Variants in CNKSR2 observed in about 807,000 individuals in gnomAD.
CNKSR2 encodes connector enhancer of kinase suppressor of Ras 2.
CNKSR2 carries 14 observed loss-of-function variants against 84.4 expected under a neutral mutation model. The ratio of observed to expected loss-of-function variants is 0.17; its 90% confidence interval spans 0.11 to 0.26. The LOEUF (loss-of-function observed/expected upper bound fraction) is 0.26, where lower values mean the gene tolerates loss of function less well. CNKSR2 is among the 10% of genes least tolerant of loss of function. CNKSR2 has a pLI of 1.00. For missense variants in CNKSR2, 485 were observed against 771.2 expected (o/e 0.63, Z 4.40); for synonymous variants, 275 against 277.9 (o/e 0.99, Z 0.10).
intron 1 of CNKSR2, among the ~76,000 whole-genome samples, chrX:21,385,912 A>G (rs568528160): frequency 1.9e-5 from 2 of 106,397 alleles, no homozygotes; most frequent in African/African-American, 6.9e-5. Context: ...TAGGGCTTTC[A>G]TTAGTGACAA....
chrX:21,644,922 G>C (rs1470764446), intron 20 of CNKSR2: 1 of 112,160 alleles, frequency 8.9e-6, no homozygotes, highest in African/African-American at 3.2e-5. Flanking sequence ...CACTGAGCCT[G>C]AATGTAAGAA....
intron 1 of CNKSR2, among the ~76,000 whole-genome samples, chrX:21,385,528 C>T (rs1453895022): frequency 1.8e-5 from 2 of 111,939 alleles, no homozygotes; most frequent in East Asian, 5.6e-4. Context: ...TAATGCCTGT[C>T]TTAGCCCTGA....
intron 13 of CNKSR2, among the ~76,000 whole-genome samples, chrX:21,578,581 C>T (rs1271476574): frequency 3.9e-5 from 4 of 101,351 alleles, no homozygotes; most frequent in East Asian, 3.1e-4. Flanking sequence ...TTAAATCACA[C>T]GTTGTATATA....
intron 8 of CNKSR2, among the ~76,000 whole-genome samples, chrX:21,507,382 T>C (rs2091623740): frequency 9.0e-6 from 1 of 111,284 alleles, no homozygotes; most frequent in Non-Finnish European, 1.9e-5. Flanking sequence ...AAATGGTATA[T>C]AGAATTCACT....
At chrX:21,641,230 C>T (rs2092690505) in intron 20 of CNKSR2, among the ~76,000 whole-genome samples, 1 of 111,929 alleles carries the variant, frequency 8.9e-6, no homozygotes, top group Non-Finnish European at 1.9e-5. Flanking sequence ...TATAGATGTA[C>T]ATATACAAGT....
intron 11 of CNKSR2, among the ~76,000 whole-genome samples, chrX:21,533,245 C>A (rs754348680): frequency 4.0e-4 from 44 of 110,366 alleles, no homozygotes; most frequent in Non-Finnish European, 7.1e-4. Context: ...TACTTTTCTC[C>A]TCTACTATAT....
intron 20 of CNKSR2, among the ~76,000 whole-genome samples, chrX:21,632,572 C>A (rs1157538398): frequency 8.9e-6 from 1 of 111,786 alleles, no homozygotes; most frequent in Non-Finnish European, 1.9e-5. Context: ...ATGGTGTGTA[C>A]TCTGCATAGT....
At chrX:21,579,216 T>C (rs2092339431) in intron 13 of CNKSR2, among the ~76,000 whole-genome samples, 1 of 111,960 alleles carries the variant, frequency 8.9e-6, no homozygotes, top group Non-Finnish European at 1.9e-5. Context: ...AACCCTAAAC[T>C]AGAACCATAT....
chrX:21,571,688 C>T (rs1406939045), intron 13 of CNKSR2, among the ~76,000 whole-genome samples: 2 of 112,125 alleles, frequency 1.8e-5, no homozygotes, highest in Non-Finnish European at 3.8e-5. Flanking sequence ...AAAGCCATAT[C>T]TGCTCATAAG....
intron 1 of CNKSR2, among the ~76,000 whole-genome samples, chrX:21,400,377 A>G: frequency 9.0e-6 from 1 of 111,339 alleles, no homozygotes; most frequent in Non-Finnish European, 1.9e-5. Context: ...CATTAAAAAA[A>G]GTCATACTTC....
intron 17 of CNKSR2, among the ~76,000 whole-genome samples, chrX:21,596,775 T>G (rs757627921): frequency 2.7e-5 from 3 of 111,299 alleles, no homozygotes; most frequent in Non-Finnish European, 3.8e-5. Flanking sequence ...GCCTTTCGTA[T>G]AGTTTCCATA....
At chrX:21,387,469 G>C (rs2089985385) in intron 1 of CNKSR2, among the ~76,000 whole-genome samples, 1 of 111,621 alleles carries the variant, frequency 9.0e-6, no homozygotes, top group African/African-American at 3.3e-5. Context: ...GTGATAGAGT[G>C]AGACCTTGTC....
intron 13 of CNKSR2, among the ~76,000 whole-genome samples, chrX:21,579,590 C>T (rs1253456188): frequency 4.5e-5 from 5 of 112,184 alleles, no homozygotes; most frequent in Non-Finnish European, 9.4e-5. Context: ...ATGGTTATTA[C>T]AAGAAACAGC....
chrX:21,439,365 A>T (rs2090752473), intron 3 of CNKSR2, among the ~76,000 whole-genome samples: 1 of 111,221 alleles, frequency 9.0e-6, no homozygotes, highest in Admixed American at 9.6e-5. Context: ...GCAGTGCTGA[A>T]AAGGAAGTGT....
chrX:21,648,770 TTCTC>T (rs1229529311), intron 20 of CNKSR2, 57 bp from the exon 21 acceptor site: 461 of 754,592 alleles, frequency 6.1e-4, no homozygotes, highest in Admixed American at 5.0e-3. Flanking sequence ...TCATTTCTCT[TTCTC>T]TCTCTCTCTC....
At chrX:21,379,233 C>T (rs1268301227) in intron 1 of CNKSR2, among the ~76,000 whole-genome samples, 1 of 112,577 alleles carries the variant, frequency 8.9e-6, no homozygotes, top group African/African-American at 3.2e-5. Flanking sequence ...CGTCATAGGA[C>T]CCAGAGCTGA....
intron 13 of CNKSR2, among the ~76,000 whole-genome samples, chrX:21,589,292 A>G (rs2092406558): frequency 8.9e-6 from 1 of 112,438 alleles, no homozygotes; most frequent in Admixed American, 9.4e-5. Context: ...TATAAATCAT[A>G]TACAGAACAA....
chrX:21,444,421 A>G (rs997053032), intron 4 of CNKSR2, among the ~76,000 whole-genome samples: 1 of 111,668 alleles, frequency 9.0e-6, no homozygotes, highest in African/African-American at 3.2e-5. Flanking sequence ...AGTAGATCCA[A>G]GTTCATCATC....
At chrX:21,541,721 C>G (rs1168229587) in intron 11 of CNKSR2, among the ~76,000 whole-genome samples, 4 of 111,458 alleles carry the variant, frequency 3.6e-5, no homozygotes, top group African/African-American at 1.3e-4. Context: ...AAGCATTAAT[C>G]TATTTAATCC....
Sources: gnomAD v4.1 joint callset for allele counts (sites outside exome capture counted in the v4.1 genomes callset) on GRCh38, gnomAD v4.1.1 for gene constraint, MANE v1.5 for transcripts, NCBI Gene and HGNC (gene_info 2026-07-23, HGNC 2026-07-21) for gene names.